Variants in PLPP1 observed in about 807,000 individuals in gnomAD.
The protein encoded by PLPP1 is phospholipid phosphatase 1.
A neutral mutation model predicts 31.2 loss-of-function variants in PLPP1; 24 were observed. The observed-to-expected ratio is 0.77, with a 90% CI of 0.56 to 1.08. PLPP1 has a LOEUF of 1.08. Ranked by LOEUF, PLPP1 falls within the 50% of genes least tolerant of loss-of-function variation. The probability of loss-of-function intolerance (pLI) is 0.00; values close to 1 mark genes in which losing one functional copy is unlikely to be tolerated. For synonymous variants in PLPP1, 146 were observed against 126.3 expected (o/e 1.16, Z -1.05); for missense variants, 319 against 342.7 (o/e 0.93, Z 0.55).
At chr5:55,461,464 C>A (rs1045811951) in intron 3 of PLPP1, among the ~76,000 whole-genome samples, 2 of 151,564 alleles carry the variant, frequency 1.3e-5, no homozygotes, top group African/African-American at 4.8e-5. Context: ...CTTTGATATT[C>A]AAAAAACTAA....
chr5:55,457,392 T>C (rs994698051), intron 3 of PLPP1, among the ~76,000 whole-genome samples: 4 of 152,084 alleles, frequency 2.6e-5, no homozygotes, highest in African/African-American at 9.7e-5. Context: ...TGGCAGCCAA[T>C]TTATATACAC....
intron 4 of PLPP1, among the ~76,000 whole-genome samples, chr5:55,426,850 C>T (rs1314393902): frequency 1.1e-4 from 16 of 152,222 alleles, no homozygotes; most frequent in African/African-American, 3.9e-4. Context: ...AACAAGGCAA[C>T]TGAGACTAAA....
intron 5 of PLPP1, 80 bp from the exon 6 acceptor site, chr5:55,425,414 GAT>G: frequency 7.7e-7 from 1 of 1,294,158 alleles, no homozygotes; most frequent in Non-Finnish European, 1.1e-6. Flanking sequence ...AGCATCCTAA[GAT>G]AAATATAAAC....
intron 1 of PLPP1, among the ~76,000 whole-genome samples, chr5:55,512,787 A>G (rs1579978115): frequency 6.6e-6 from 1 of 152,162 alleles, no homozygotes; most frequent in South Asian, 2.1e-4. Flanking sequence ...CCTCTAATGG[A>G]AAAGTAATTT....
chr5:55,516,921 G>A (rs572443151), intron 1 of PLPP1, among the ~76,000 whole-genome samples: 1 of 152,108 alleles, frequency 6.6e-6, no homozygotes, highest in African/African-American at 2.4e-5. Context: ...TAAACATAAT[G>A]GTAGCCCATT....
chr5:55,467,047 A>G (rs937747521), intron 3 of PLPP1, among the ~76,000 whole-genome samples: 2 of 152,148 alleles, frequency 1.3e-5, no homozygotes, highest in Non-Finnish European at 2.9e-5. Flanking sequence ...TGTTTCATTC[A>G]TGTCTAAAGG....
chr5:55,465,049 T>G (rs1452532651), intron 3 of PLPP1, among the ~76,000 whole-genome samples: 40 of 4,728 alleles, frequency 8.5e-3, no homozygotes, highest in African/African-American at 0.014. Context: ...CGGAGGTGGT[T>G]TTTTTTTTTT....
chr5:55,490,915 T>G (rs913598306), intron 1 of PLPP1: 1 of 1,561,386 alleles, frequency 6.4e-7, no homozygotes, highest in South Asian at 1.2e-5. Flanking sequence ...TCATCCAACC[T>G]CCAGCACAAC....
At chr5:55,441,739 G>A (rs1751625064) in intron 4 of PLPP1, 112 bp downstream of exon 4, 2 of 1,133,818 alleles carry the variant, frequency 1.8e-6, no homozygotes, top group Admixed American at 1.8e-5. Flanking sequence ...CAGATCATCT[G>A]TTTCACCTTT....
chr5:55,430,548 G>A (rs960259972), intron 4 of PLPP1, among the ~76,000 whole-genome samples: 3 of 152,190 alleles, frequency 2.0e-5, no homozygotes, highest in Non-Finnish European at 4.4e-5. Flanking sequence ...AAGCCAAAGT[G>A]ATCTACCCGA....
rs145049609 is a variant in PLPP1, at chr5:55,476,553, G to T, written c.59-1103C>A. ...TGACTAGTACTGTGTTGTAAGAGAT[G>T]CAGGTTAGCAGAAACCCTCCACATG... On this transcript the variant is annotated intron_variant, in intron 1 of 5. Coordinates refer to ENST00000307259, the MANE Select transcript of PLPP1 (RefSeq NM_003711.4). Among the ~76,000 whole-genome samples, 203 of 152,238 alleles carry T rather than the reference G, an allele frequency of 1.3e-3. 2 individuals are homozygous for T. In the Middle Eastern group the frequency reaches 0.024, roughly 18 times the overall value.
intron 1 of PLPP1, among the ~76,000 whole-genome samples, chr5:55,519,963 G>A (rs982376282): frequency 6.6e-6 from 1 of 152,122 alleles, no homozygotes; most frequent in African/African-American, 2.4e-5. Flanking sequence ...ATGATGAGAA[G>A]TGGCAATGTT....
intron 4 of PLPP1, among the ~76,000 whole-genome samples, chr5:55,438,696 T>C (rs964508171): frequency 8.6e-5 from 13 of 151,980 alleles, no homozygotes; most frequent in African/African-American, 3.1e-4. Context: ...GGTCAGGAGA[T>C]TGGGACCATC....
intron 1 of PLPP1, among the ~76,000 whole-genome samples, chr5:55,485,782 A>G (rs1251222077): frequency 1.3e-5 from 2 of 152,166 alleles, no homozygotes; most frequent in Non-Finnish European, 2.9e-5. Flanking sequence ...ATATATTACA[A>G]AAATCTTTCT....
intron 3 of PLPP1, among the ~76,000 whole-genome samples, chr5:55,448,348 T>C (rs991156211): frequency 6.6e-6 from 1 of 152,114 alleles, no homozygotes; most frequent in African/African-American, 2.4e-5. Flanking sequence ...AAATGTATTA[T>C]GTGACCCAGT....
intron 1 of PLPP1, chr5:55,530,213 T>C (rs1740612423): frequency 2.4e-5 from 33 of 1,380,242 alleles, no homozygotes; most frequent in Middle Eastern, 2.5e-4. Flanking sequence ...TTTCTTCATC[T>C]AGCTGAAGAT....
chr5:55,498,071 G>A (rs1401550446), intron 1 of PLPP1, among the ~76,000 whole-genome samples: 1 of 152,102 alleles, frequency 6.6e-6, no homozygotes, highest in Non-Finnish European at 1.5e-5. Context: ...GGTCTCAGTA[G>A]GGAGCTGAAA....
chr5:55,428,010 C>T (rs959478511), intron 4 of PLPP1, among the ~76,000 whole-genome samples: 1 of 152,168 alleles, frequency 6.6e-6, no homozygotes, highest in Non-Finnish European at 1.5e-5. Context: ...TGGTCTCAAA[C>T]TCCTGACCTC....
chr5:55,486,312 T>C (rs2111839123), intron 1 of PLPP1, among the ~76,000 whole-genome samples: 1 of 152,318 alleles, frequency 6.6e-6, no homozygotes, highest in Admixed American at 6.5e-5. Context: ...TGGCTGGATG[T>C]GGTGGTTCAC....
Sources: allele counts gnomAD v4.1 joint callset (sites outside exome capture counted in the v4.1 genomes callset), GRCh38; gene constraint gnomAD v4.1.1; transcripts MANE v1.5; gene names NCBI Gene and HGNC (gene_info 2026-07-23, HGNC 2026-07-21).